Variants in CD109 observed in about 807,000 individuals in gnomAD.
CD109 encodes the protein CD109 molecule.
A neutral mutation model predicts 165.8 loss-of-function variants in CD109; 149 were observed. That is an observed-to-expected ratio of 0.90 (90% CI 0.79 to 1.03). The LOEUF is 1.03. CD109 is among the 50% of genes least tolerant of loss of function. The probability of loss-of-function intolerance (pLI) is 0.00; values close to 1 mark genes in which losing one functional copy is unlikely to be tolerated. For missense variants in CD109, 1,712 were observed against 1,677.8 expected, an observed-to-expected ratio of 1.02 and a Z score of -0.36; for synonymous variants, 585 against 592.1, an observed-to-expected ratio of 0.99 and a Z score of 0.18.
At chr6:73,736,337 C>T in intron 4 of CD109, 46 bp from the exon 5 acceptor site, 1 of 1,602,452 alleles carries the variant, frequency 6.2e-7, no homozygotes, top group Middle Eastern at 1.7e-4. Flanking sequence ...GATACACATG[C>T]ACATGGGCAG....
the CD109 span, among the ~76,000 whole-genome samples, chr6:73,683,661 A>G: frequency 1.3e-5 from 2 of 152,220 alleles, no homozygotes; most frequent in Non-Finnish European, 2.9e-5. Context: ...CACACTGCTG[A>G]TAAAGACATA....
chr6:73,762,692 A>C (rs1773681258), intron 8 of CD109, 49 bp from the exon 9 acceptor site: 1 of 1,475,282 alleles, frequency 6.8e-7, no homozygotes, highest in Non-Finnish European at 9.3e-7. Flanking sequence ...TATTTCTAAA[A>C]TTTGAATTGC....
rs1773915276 is a variant in CD109, at chr6:73,768,096, T to C, written c.1539T>C (p.Asn513=). The part of the protein sequence containing the change: ...RGQLVAVGKQ[N]STMFSLTPEN... ...AGTTGGTGGCTGTAGGAAAACAAAA[T>C]TCAACAATGTTCTCTTTAACACCAG... Residue 513 remains asparagine, a synonymous_variant, in exon 14 of 33, where the codon AAT becomes AAC. Coordinates refer to ENST00000287097, the MANE Select transcript of CD109 (RefSeq NM_133493.5). 1 of 1,613,544 alleles carries C rather than the reference T, an allele frequency of 6.2e-7. No individual in the cohort carries two copies. The highest frequency in any genetic ancestry group is 2.2e-5 in the East Asian group (1 of 44,760).
Position 73,815,082 on chromosome 6 carries a change from T to C in CD109, c.3870T>C (p.Asn1290=), listed in dbSNP as rs1582205364. 6.3e-7 allele frequency: 1 copy of C among 1,590,042 alleles called. No individual in the cohort carries two copies. The highest frequency in any genetic ancestry group is 8.5e-7 in the Non-Finnish European group (1 of 1,172,260). Residue 1290 remains asparagine (N), a synonymous_variant, in exon 30 of 33, where the codon AAT becomes AAC. Coordinates refer to ENST00000287097, the MANE Select transcript of CD109 (RefSeq NM_133493.5). ...AFDLDVAVKE[N]KDDLNHVDLN... is the part of the protein sequence containing the mutation. ...ATTTAGATGTTGCTGTAAAAGAAAA[T>C]AAAGATGATCTCAATCATGTGGATT...
At chr6:73,738,318 A>C (rs1248844439) in intron 5 of CD109, among the ~76,000 whole-genome samples, 3 of 152,192 alleles carry the variant, frequency 2.0e-5, no homozygotes, top group Non-Finnish European at 4.4e-5. Flanking sequence ...TAGCTAAATA[A>C]CCATCATGCC....
chr6:73,686,702 C>CT, the CD109 span, among the ~76,000 whole-genome samples: 194 of 152,048 alleles, frequency 1.3e-3, 3 homozygotes, highest in African/African-American at 4.2e-3. Context: ...CTCTTTCTTT[C>CT]TTTTTTTGAG....
chr6:73,701,727 T>A (rs1462734707), intron 2 of CD109, among the ~76,000 whole-genome samples: 2 of 152,194 alleles, frequency 1.3e-5, no homozygotes, highest in African/African-American at 2.4e-5. Flanking sequence ...ATAAAGAATA[T>A]AACCTTTCTC....
chr6:73,682,516 T>C, the CD109 span, among the ~76,000 whole-genome samples: 4 of 152,226 alleles, frequency 2.6e-5, no homozygotes, highest in Admixed American at 6.5e-5. Context: ...TTTCACTGGA[T>C]GATGTTGAGT....
chr6:73,785,275 C>T, intron 19 of CD109, 89 bp from the exon 20 acceptor site: 1 of 714,698 alleles, frequency 1.4e-6, no homozygotes, highest in East Asian at 2.8e-5. Flanking sequence ...TTAAAAGCTT[C>T]ACAGGTTTTA....
intron 23 of CD109, among the ~76,000 whole-genome samples, chr6:73,802,255 A>ATGTGTGTG (rs750794050): frequency 2.0e-3 from 231 of 118,084 alleles, no homozygotes; most frequent in African/African-American, 6.1e-3. Context: ...GAGCATGTGT[A>ATGTGTGTG]TATGTGTGTG....
At chr6:73,781,460 T>A (rs1774496049) in intron 17 of CD109, 141 bp downstream of exon 17, 1 of 682,944 alleles carries the variant, frequency 1.5e-6, no homozygotes, top group Non-Finnish European at 2.5e-6. Context: ...ATGTTTGGAG[T>A]TTAATGTACT....
At chr6:73,691,555 G>GGACA (rs1770693376), upstream of CD109, among the ~76,000 whole-genome samples, 1 of 152,196 alleles carries the variant, frequency 6.6e-6, no homozygotes, top group Non-Finnish European at 1.5e-5. Context: ...TCTGGACAAA[G>GGACA]GACACCAGCT....
chr6:73,809,781 A>G (rs542613939), intron 26 of CD109, among the ~76,000 whole-genome samples: 2 of 152,248 alleles, frequency 1.3e-5, no homozygotes, highest in African/African-American at 2.4e-5. Flanking sequence ...TAAAAAAGCA[A>G]CATATAGGCA....
chr6:73,720,954 A>C (rs576253590), intron 2 of CD109, among the ~76,000 whole-genome samples: 8 of 152,128 alleles, frequency 5.3e-5, no homozygotes, highest in Non-Finnish European at 1.0e-4. Context: ...TGCCTGTAAC[A>C]TTGTACCCCT....
In CD109 at chr6:73,823,678, C is replaced by A. The variant is rs906106501; in HGVS notation, c.*45C>A. 3 of 1,507,472 alleles carry A rather than the reference C, an allele frequency of 2.0e-6. No individual in the cohort carries two copies. The highest frequency in any genetic ancestry group is 2.4e-5 in the South Asian group (2 of 81,870). 93.4% of individuals were successfully genotyped at this position (1,507,472 alleles called of 1,614,324 possible). A position where few individuals can be genotyped will look rare whatever the true frequency, so the allele number is the denominator to read the frequency against. On this transcript the variant is annotated 3_prime_UTR_variant, in exon 33 of 33. Coordinates refer to ENST00000287097, the MANE Select transcript of CD109 (RefSeq NM_133493.5). ...GTGTAACACTAACATTTCCAGTAGT[C>A]ACATGTGATTGTTTTGTTTTCGTAG...
In CD109 at chr6:73,768,065, G is replaced by T. The variant is rs189257663; in HGVS notation, c.1508G>T (p.Arg503Met). The change falls in exon 14 of 33, where the codon AGG (arginine) becomes ATG (methionine). Residue 503 changes from arginine to methionine, a missense_variant. Arg to Met is a moderately conservative substitution (Grantham distance 91). Coordinates refer to ENST00000287097, the MANE Select transcript of CD109 (RefSeq NM_133493.5). ...LKELSYMVVS[R>M]GQLVAVGKQN... ...TACTGTTCTTTTCAGGTAGTATCCA[G>T]GGGACAGTTGGTGGCTGTAGGAAAA... 4 of 1,612,916 alleles carry T rather than the reference G, an allele frequency of 2.5e-6. No individual in the cohort carries two copies. The East Asian group carries it at 8.9e-5, about 36-fold the overall frequency.
intron 2 of CD109, among the ~76,000 whole-genome samples, chr6:73,701,830 C>G (rs1474040157): frequency 1.3e-5 from 2 of 152,072 alleles, no homozygotes; most frequent in Non-Finnish European, 2.9e-5. Flanking sequence ...AACCGTAATC[C>G]CAGAGCTTGG....
Position 73,766,067 on chromosome 6 carries a change from T to C in CD109, c.1245T>C (p.Val415=). 6.2e-7 allele frequency: 1 copy of C among 1,614,082 alleles called. No individual in the cohort carries two copies. Among genetic ancestry groups the C allele is most frequent in the Non-Finnish European group, 8.5e-7 (1 of 1,179,976 alleles). ...SNSGNQKMEA[V]QKINYTVPQS... ...GTGGAAATCAGAAAATGGAAGCTGTTCAGAAAATAAATTATACTGTCCCCC... is the reference window on the plus strand; with the variant it reads ...GTGGAAATCAGAAAATGGAAGCTGTCCAGAAAATAAATTATACTGTCCCCC... Residue 415 remains valine (V), a synonymous_variant, in exon 11 of 33, where the codon GTT becomes GTC. Coordinates refer to ENST00000287097, the MANE Select transcript of CD109 (RefSeq NM_133493.5).
chr6:73,803,901 T>C (rs1222885187), intron 24 of CD109: 2 of 152,320 alleles, frequency 1.3e-5, no homozygotes, highest in Non-Finnish European at 2.9e-5. Flanking sequence ...ACAACCAACC[T>C]ACTCAATCTA....
Sources: gnomAD v4.1 joint callset for allele counts (sites outside exome capture counted in the v4.1 genomes callset) on GRCh38, gnomAD v4.1.1 for gene constraint, MANE v1.5 for transcripts, NCBI Gene and HGNC (gene_info 2026-07-23, HGNC 2026-07-21) for gene names.